Variants in HMBOX1 observed in about 807,000 individuals in gnomAD.
HMBOX1 encodes homeobox-containing protein 1.
HMBOX1 carries 14 observed loss-of-function variants against 54.5 expected under a neutral mutation model. The ratio of observed to expected loss-of-function variants is 0.26; its 90% CI spans 0.17 to 0.40. HMBOX1 has a LOEUF of 0.40. Among genes scored for constraint, HMBOX1 ranks in the 10% least tolerant of loss-of-function variants. HMBOX1 has a pLI of 1.00. For missense variants in HMBOX1, 332 were observed against 514.4 expected (o/e 0.65, Z 3.43); for synonymous variants, 160 against 181.0 (o/e 0.88, Z 0.93).
intron 1 of HMBOX1, among the ~76,000 whole-genome samples, chr8:28,943,938 C>G (rs1821928310): frequency 6.6e-6 from 1 of 152,118 alleles, no homozygotes; most frequent in African/African-American, 2.4e-5. Flanking sequence ...CTGTGTAGGT[C>G]AAAATACGTC....
chr8:29,013,607 C>G (rs973435864), intron 5 of HMBOX1, among the ~76,000 whole-genome samples: 1 of 151,936 alleles, frequency 6.6e-6, no homozygotes, highest in African/African-American at 2.4e-5. Flanking sequence ...GACTCATCAT[C>G]AGAATTTACC....
rs1806393097 is a variant in HMBOX1 at position 29,051,202 on chromosome 8, C to T, written c.*47C>T. 1 of 1,596,928 alleles carries T rather than the reference C, an allele frequency of 6.3e-7. No individual in the cohort carries two copies. The highest frequency in any genetic ancestry group is 8.5e-7 in the Non-Finnish European group (1 of 1,169,892). On this transcript the variant is annotated 3_prime_UTR_variant, in exon 10 of 10. Coordinates refer to ENST00000287701, the MANE Select transcript of HMBOX1 (RefSeq NM_001135726.3). ...AGTTAACTTAGTTTAGACGTAGCACCTTAGCAGACTTTCCTCGGTCCTTAA... is the reference window on the plus strand; with the variant it reads ...AGTTAACTTAGTTTAGACGTAGCACTTTAGCAGACTTTCCTCGGTCCTTAA...
chr8:29,034,408 G>C (rs1025655653), intron 6 of HMBOX1, among the ~76,000 whole-genome samples: 21 of 152,130 alleles, frequency 1.4e-4, no homozygotes, highest in African/African-American at 4.8e-4. Flanking sequence ...CATCTTACTA[G>C]GTTTGTCATC....
chr8:28,936,446 T>A (rs1227338615), intron 1 of HMBOX1, among the ~76,000 whole-genome samples: 1 of 151,994 alleles, frequency 6.6e-6, no homozygotes, highest in Non-Finnish European at 1.5e-5. Context: ...ATAATAATAA[T>A]AAAACTGGTC....
chr8:28,936,549 T>C (rs1380782972), intron 1 of HMBOX1, among the ~76,000 whole-genome samples: 1 of 151,988 alleles, frequency 6.6e-6, no homozygotes, highest in East Asian at 1.9e-4. Context: ...TTATCCACTG[T>C]GAGAAATAAA....
intron 4 of HMBOX1, among the ~76,000 whole-genome samples, chr8:29,007,063 C>T (rs1378572162): frequency 2.0e-5 from 3 of 151,208 alleles, no homozygotes; most frequent in Non-Finnish European, 3.0e-5. Flanking sequence ...CTGAGGCGGG[C>T]GGATCACCTG....
intron 4 of HMBOX1, among the ~76,000 whole-genome samples, chr8:29,008,451 TTTC>T (rs1833774784): frequency 6.6e-6 from 1 of 152,182 alleles, no homozygotes; most frequent in Admixed American, 6.5e-5. Flanking sequence ...GCTGTTGAGA[TTTC>T]TTAAGAGGTC....
At chr8:29,023,994 C>T (rs13274214) in intron 6 of HMBOX1, among the ~76,000 whole-genome samples, 4,013 of 152,234 alleles carry the variant, frequency 0.026, 86 homozygotes, top group Non-Finnish European at 0.044. Flanking sequence ...TATCTATCGA[C>T]GATTGTTTCC....
chr8:28,982,219 C>T (rs1035980285), intron 4 of HMBOX1, among the ~76,000 whole-genome samples: 11 of 152,058 alleles, frequency 7.2e-5, no homozygotes, highest in East Asian at 5.8e-4. Context: ...GGCGACAGAG[C>T]GAGACTCTGT....
intron 6 of HMBOX1, among the ~76,000 whole-genome samples, chr8:29,025,899 C>T (rs1241078320): frequency 6.6e-6 from 1 of 152,034 alleles, no homozygotes; most frequent in Non-Finnish European, 1.5e-5. Context: ...TCCCACTCTC[C>T]TGTAAGATTA....
At chr8:28,969,337 A>G (rs1826996824) in intron 2 of HMBOX1, among the ~76,000 whole-genome samples, 1 of 152,254 alleles carries the variant, frequency 6.6e-6, no homozygotes, top group Non-Finnish European at 1.5e-5. Context: ...TTTCCTAAGA[A>G]AAATGAATAG....
At chr8:28,903,288 C>A (rs1461984442) in intron 1 of HMBOX1, among the ~76,000 whole-genome samples, 1 of 152,218 alleles carries the variant, frequency 6.6e-6, no homozygotes, top group African/African-American at 2.4e-5. Flanking sequence ...GTGATGATGC[C>A]ACTTGTGGCC....
chr8:28,939,641 C>A (rs1311437966), intron 1 of HMBOX1, among the ~76,000 whole-genome samples: 4 of 151,410 alleles, frequency 2.6e-5, no homozygotes, highest in African/African-American at 9.7e-5. Flanking sequence ...TCCCGATTAG[C>A]TGGGACTACA....
intron 1 of HMBOX1, among the ~76,000 whole-genome samples, chr8:28,912,849 T>G (rs748524437): frequency 3.7e-4 from 57 of 152,138 alleles, no homozygotes; most frequent in Non-Finnish European, 6.8e-4. Flanking sequence ...AGATATTTCT[T>G]TTGGGGTGTT....
intron 1 of HMBOX1, among the ~76,000 whole-genome samples, chr8:28,928,832 T>C (rs1431989544): frequency 3.3e-5 from 5 of 152,264 alleles, no homozygotes; most frequent in Admixed American, 1.3e-4. Flanking sequence ...GTATGTAGAA[T>C]CTTTAGAAGT....
intron 1 of HMBOX1, among the ~76,000 whole-genome samples, chr8:28,893,236 T>G (rs964243374): frequency 3.9e-5 from 6 of 152,168 alleles, no homozygotes; most frequent in African/African-American, 1.2e-4. Context: ...TACTGGGCAT[T>G]AAAATGATGT....
intron 1 of HMBOX1, among the ~76,000 whole-genome samples, chr8:28,914,763 T>A (rs1816196679): frequency 6.6e-6 from 1 of 152,254 alleles, no homozygotes; most frequent in Non-Finnish European, 1.5e-5. Context: ...GAGAACTTCC[T>A]TGTTAGAATA....
chr8:29,048,187 CAAGG>C (rs1322031192), intron 8 of HMBOX1, among the ~76,000 whole-genome samples: 3 of 152,056 alleles, frequency 2.0e-5, no homozygotes, highest in Admixed American at 1.3e-4. Flanking sequence ...ACTTAATAGA[CAAGG>C]AACGCAGCAA....
At chr8:29,050,048 T>G (rs1806208128) in intron 9 of HMBOX1, among the ~76,000 whole-genome samples, 1 of 152,256 alleles carries the variant, frequency 6.6e-6, no homozygotes, top group African/African-American at 2.4e-5. Flanking sequence ...CATTTAGGAC[T>G]CTAGTTAATA....
Sources: gnomAD v4.1 joint callset for allele counts (sites outside exome capture counted in the v4.1 genomes callset) on GRCh38, gnomAD v4.1.1 for gene constraint, MANE v1.5 for transcripts, NCBI Gene and HGNC (gene_info 2026-07-23, HGNC 2026-07-21) for gene names.